The following SYNPR variants were observed in gnomAD, a reference collection of about 807,000 sequenced individuals.
The protein encoded by SYNPR is synaptoporin.
In SYNPR, 23 loss-of-function variants were observed where a neutral mutation model predicts 32.9. The observed-to-expected ratio is 0.70, with a 90% CI of 0.50 to 0.99. The LOEUF is 0.99. SYNPR is among the 50% of genes least tolerant of loss of function. SYNPR has a pLI of 0.00. For missense variants in SYNPR, 318 were observed against 349.3 expected (o/e 0.91, Z 0.71); for synonymous variants, 146 against 135.9 (o/e 1.07, Z -0.52).
intron 2 of SYNPR, among the ~76,000 whole-genome samples, chr3:63,459,467 C>T (rs755990171): frequency 2.0e-5 from 3 of 152,078 alleles, no homozygotes; most frequent in Non-Finnish European, 2.9e-5. Flanking sequence ...CATGTGATTA[C>T]GTTTCATCCT....
At chr3:63,560,717 G>A (rs867710651) in intron 4 of SYNPR, among the ~76,000 whole-genome samples, 1 of 152,180 alleles carries the variant, frequency 6.6e-6, no homozygotes, top group Admixed American at 6.6e-5. Flanking sequence ...GACAAAGAGA[G>A]AAGAAGTGAG....
chr3:63,238,523 A>G lies in SYNPR; in HGVS notation n.66+10143A>G, dbSNP rs552884275. The stretch of plus-strand genomic sequence containing the variant: ...AATTTTGGAATGACTTTTAGACATG[A>G]AAAACTAGTGGTAGGGAATGCAGAA... On this transcript the variant is annotated intron_variant and non_coding_transcript_variant, in intron 1 of 4. Transcript: ENST00000478456. Among the ~76,000 whole-genome samples, 6 of 152,212 alleles carry G rather than the reference A, an allele frequency of 3.9e-5. No homozygotes were observed. The East Asian group carries it at 1.2e-3, about 29-fold the overall frequency.
At chr3:63,219,209 G>A in the SYNPR span, among the ~76,000 whole-genome samples, 2 of 152,306 alleles carry the variant, frequency 1.3e-5, no homozygotes, top group East Asian at 1.9e-4. Context: ...GGATGGAGAC[G>A]TGCCAAGCGT....
At chr3:63,495,118 T>C (rs1701347659) in intron 3 of SYNPR, among the ~76,000 whole-genome samples, 1 of 152,196 alleles carries the variant, frequency 6.6e-6, no homozygotes, top group Non-Finnish European at 1.5e-5. Context: ...CTGGCTAGAA[T>C]TTGAAATAAA....
chr3:63,284,017 C>T (rs1356588196), intron 2 of SYNPR, among the ~76,000 whole-genome samples: 1 of 151,926 alleles, frequency 6.6e-6, no homozygotes, highest in Non-Finnish European at 1.5e-5. Context: ...ACCGTGTTAG[C>T]CAGGATGGTC....
intron 3 of SYNPR, among the ~76,000 whole-genome samples, chr3:63,552,493 G>C (rs1000809252): frequency 1.3e-5 from 2 of 152,062 alleles, no homozygotes; most frequent in African/African-American, 4.8e-5. Context: ...TTAAGAAAAA[G>C]GATTTTTGTG....
At chr3:63,419,384 A>G (rs2088578863) in intron 2 of SYNPR, among the ~76,000 whole-genome samples, 1 of 152,216 alleles carries the variant, frequency 6.6e-6, no homozygotes, top group Non-Finnish European at 1.5e-5. Flanking sequence ...AGAGTTGGAA[A>G]GCATGTCCCT....
intron 2 of SYNPR, among the ~76,000 whole-genome samples, chr3:63,370,229 C>G (rs2087778766): frequency 1.3e-5 from 2 of 152,136 alleles, no homozygotes; most frequent in Non-Finnish European, 2.9e-5. Context: ...CTAGGGGAGG[C>G]AGTTCTCTGC....
intron 2 of SYNPR, among the ~76,000 whole-genome samples, chr3:63,471,382 G>T (rs1341935802): frequency 6.6e-6 from 1 of 152,154 alleles, no homozygotes. Context: ...CCCATCTGAG[G>T]TTTTACAAGG....
chr3:63,489,532 T>A (rs1393729361), intron 3 of SYNPR, among the ~76,000 whole-genome samples: 2 of 152,190 alleles, frequency 1.3e-5, no homozygotes, highest in African/African-American at 2.4e-5. Context: ...AATGACCCCA[T>A]TCTGTATAAT....
In SYNPR at chr3:63,548,043, A is replaced by G. The variant is rs917023854; in HGVS notation, c.210-8500A>G. 2.6e-5 allele frequency among the ~76,000 whole-genome samples: 4 copies of G among 152,274 alleles called. No individual in the cohort carries two copies. In the South Asian group the frequency reaches 8.3e-4, roughly 32 times the overall value. On this transcript the variant is annotated intron_variant, in intron 3 of 5. Transcript: ENST00000478300. ...ATGCTTCAGGTACAGTAAGAAAACC[A>G]GTGGAAGTAACAGAGAAGGATTTGT...
intron 2 of SYNPR, among the ~76,000 whole-genome samples, chr3:63,419,856 C>T (rs1292238723): frequency 6.6e-6 from 1 of 152,198 alleles, no homozygotes; most frequent in African/African-American, 2.4e-5. Context: ...GACATCAGCT[C>T]ATAAGCAATA....
intron 2 of SYNPR, among the ~76,000 whole-genome samples, chr3:63,426,976 T>G (rs1467737089): frequency 6.6e-6 from 1 of 152,192 alleles, no homozygotes; most frequent in South Asian, 2.1e-4. Flanking sequence ...GCCTTGTAGT[T>G]CTACCAGAAT....
chr3:63,597,665 A>G (rs1699981503), intron 4 of SYNPR, among the ~76,000 whole-genome samples: 1 of 152,178 alleles, frequency 6.6e-6, no homozygotes, highest in Admixed American at 6.5e-5. Context: ...AGGGAACCCA[A>G]TGTCCTCAAT....
chr3:63,387,531 A>T (rs2088067763), intron 2 of SYNPR, among the ~76,000 whole-genome samples: 1 of 152,308 alleles, frequency 6.6e-6, no homozygotes, highest in Non-Finnish European at 1.5e-5. Flanking sequence ...ACAACTTAAA[A>T]TGTACTTTTC....
At chr3:63,257,418 A>G (rs1431607738) in intron 2 of SYNPR, among the ~76,000 whole-genome samples, 1 of 152,234 alleles carries the variant, frequency 6.6e-6, no homozygotes, top group East Asian at 1.9e-4. Flanking sequence ...AATATTCAAC[A>G]TTCTTAAAGA....
chr3:63,309,183 G>T (rs576867098), intron 2 of SYNPR, among the ~76,000 whole-genome samples: 5 of 152,096 alleles, frequency 3.3e-5, no homozygotes, highest in Admixed American at 1.3e-4. Flanking sequence ...ACCCCTAGAA[G>T]TTCAATTTGG....
chr3:63,544,445 A>C (rs1331839104), intron 3 of SYNPR, among the ~76,000 whole-genome samples: 1 of 152,100 alleles, frequency 6.6e-6, no homozygotes, highest in Non-Finnish European at 1.5e-5. Flanking sequence ...TCAGTGGTTT[A>C]AAGGAGATTG....
intron 4 of SYNPR, among the ~76,000 whole-genome samples, chr3:63,594,155 G>GT (rs11432451): frequency 0.02 from 3,069 of 152,246 alleles, 121 homozygotes; most frequent in African/African-American, 0.069. Flanking sequence ...GGTGGAACAG[G>GT]TAAGGCATCA....
Sources: allele counts gnomAD v4.1 joint callset (sites outside exome capture counted in the v4.1 genomes callset), GRCh38; gene constraint gnomAD v4.1.1; transcripts MANE v1.5; gene names NCBI Gene and HGNC (gene_info 2026-07-23, HGNC 2026-07-21).